The following CCN4 variants were observed in gnomAD, a reference collection of about 807,000 sequenced individuals.
CCN4 encodes CCN family member 4.
A neutral mutation model predicts 36.7 loss-of-function variants in CCN4; 30 were observed. That is an observed-to-expected ratio of 0.82 (90% CI 0.61 to 1.11). The LOEUF (loss-of-function observed/expected upper bound fraction) is 1.11, where lower values mean the gene tolerates loss of function less well. CCN4 is among the 50% of genes least tolerant of loss of function. The probability of loss-of-function intolerance (pLI) is 0.00; values close to 1 mark genes in which losing one functional copy is unlikely to be tolerated. For synonymous variants in CCN4, 191 were observed against 195.4 expected, an observed-to-expected ratio of 0.98 and a Z score of 0.19; for missense variants, 505 against 504.9, an observed-to-expected ratio of 1.00 and a Z score of 0.00.
At position 133,195,802 on chromosome 8, in the gene CCN4, C is replaced by A. The variant is rs58410538; in HGVS notation, c.69+4589C>A. On this transcript the variant is annotated intron_variant, in intron 1 of 4. Transcript: ENST00000250160. ...CCCCAGGTTTTAGAAAAGGCTCCGG[C>A]CCTGTGCCAGCAAAGCACCCACATG... Among the ~76,000 whole-genome samples the A allele has an allele frequency of 6.1e-3, 929 of 152,346 alleles. 12 individuals are homozygous for A. The highest frequency in any genetic ancestry group is 0.021 in the African/African-American group (890 of 41,580).
chr8:133,194,430 G>T (rs1263338922), intron 1 of CCN4, among the ~76,000 whole-genome samples: 1 of 83,342 alleles, frequency 1.2e-5, no homozygotes, highest in African/African-American at 6.8e-5. Context: ...TGTGTGTGTG[G>T]TATGTGTGTG....
chr8:133,193,896 G>A (rs549060047), intron 1 of CCN4, among the ~76,000 whole-genome samples: 1 of 152,168 alleles, frequency 6.6e-6, no homozygotes, highest in South Asian at 2.1e-4. Flanking sequence ...GGTGACAGGG[G>A]TAACGTCAGC....
At chr8:133,213,681 G>A (rs998815036) in intron 2 of CCN4, among the ~76,000 whole-genome samples, 1 of 147,092 alleles carries the variant, frequency 6.8e-6, no homozygotes, top group African/African-American at 2.5e-5. Flanking sequence ...ATATAATATA[G>A]TATATTATAG....
chr8:133,211,849 T>C (rs960587427), intron 1 of CCN4, among the ~76,000 whole-genome samples: 3 of 152,212 alleles, frequency 2.0e-5, no homozygotes, highest in Non-Finnish European at 4.4e-5. Flanking sequence ...TCTCTTCCTC[T>C]TGCAGGCCCA....
intron 1 of CCN4, among the ~76,000 whole-genome samples, chr8:133,208,127 A>G (rs1255679422): frequency 6.6e-6 from 1 of 151,880 alleles, no homozygotes. Context: ...CACTTTACTG[A>G]TCTGTTAAAT....
intron 1 of CCN4, among the ~76,000 whole-genome samples, chr8:133,198,699 T>C (rs1474732068): frequency 6.6e-6 from 1 of 152,194 alleles, no homozygotes; most frequent in Non-Finnish European, 1.5e-5. Flanking sequence ...TGGGCACCCA[T>C]GGGTTCTTGT....
Position 133,219,069 on chromosome 8 carries a change from C to T in CCN4, c.350-1512C>T, listed in dbSNP as rs149342224. The stretch of plus-strand genomic sequence containing the variant: ...CCCACCTGGGTCTCAGGGTGGTCCC[C>T]CATGCTACCTTTGCCCTCTGACTCA... On this transcript the variant is annotated intron_variant, in intron 2 of 4. Transcript: ENST00000250160. 8.5e-3 allele frequency among the ~76,000 whole-genome samples: 1,301 copies of T among 152,246 alleles called. 17 individuals are homozygous for T. Among genetic ancestry groups the T allele is most frequent in the African/African-American group, 0.03 (1,232 of 41,552 alleles).
chr8:133,220,099 T>G (rs773573762), intron 2 of CCN4, among the ~76,000 whole-genome samples: 4 of 152,160 alleles, frequency 2.6e-5, no homozygotes, highest in African/African-American at 4.8e-5. Flanking sequence ...AGGGCATGTC[T>G]TTTGTCTGTT....
intron 1 of CCN4, among the ~76,000 whole-genome samples, chr8:133,191,709 AG>A (rs1255084658): frequency 6.6e-6 from 1 of 152,220 alleles, no homozygotes; most frequent in Non-Finnish European, 1.5e-5. Context: ...AAAATTGGAA[AG>A]AAAAATGCCA....
At chr8:133,197,071 AAAT>A in intron 1 of CCN4, among the ~76,000 whole-genome samples, 1 of 152,180 alleles carries the variant, frequency 6.6e-6, no homozygotes, top group South Asian at 2.1e-4. Flanking sequence ...TAGGAGAAAG[AAAT>A]GATGATGATG....
At chr8:133,206,884 G>T (rs960816215) in intron 1 of CCN4, among the ~76,000 whole-genome samples, 31 of 152,280 alleles carry the variant, frequency 2.0e-4, no homozygotes, top group African/African-American at 7.2e-4. Flanking sequence ...TTAGAAGCTG[G>T]TATCATTCAC....
chr8:133,224,709 T>G (rs917865983), intron 3 of CCN4, among the ~76,000 whole-genome samples: 2 of 151,802 alleles, frequency 1.3e-5, no homozygotes, highest in African/African-American at 2.4e-5. Context: ...CTGAGGCGGG[T>G]GGATCACCTG....
At chr8:133,203,037 G>C (rs1853644462) in intron 1 of CCN4, among the ~76,000 whole-genome samples, 1 of 152,248 alleles carries the variant, frequency 6.6e-6, no homozygotes, top group Non-Finnish European at 1.5e-5. Context: ...CCCGGGCCCA[G>C]CTAGGGCCGG....
intron 1 of CCN4, among the ~76,000 whole-genome samples, chr8:133,192,786 G>A (rs568747864): frequency 1.3e-5 from 2 of 152,360 alleles, no homozygotes; most frequent in African/African-American, 2.4e-5. Context: ...GTTTAAGCAT[G>A]AGTCCAAGTA....
chr8:133,205,181 C>T (rs1853724941), intron 1 of CCN4, among the ~76,000 whole-genome samples: 1 of 152,180 alleles, frequency 6.6e-6, no homozygotes, highest in African/African-American at 2.4e-5. Context: ...CCTGGGCAAG[C>T]CCTGGGCATC....
chr8:133,217,710 C>CA, intron 2 of CCN4, among the ~76,000 whole-genome samples: 1 of 152,202 alleles, frequency 6.6e-6, no homozygotes, highest in African/African-American at 2.4e-5. Flanking sequence ...TTTTAAAATA[C>CA]GGAGATCAAC....
chr8:133,218,104 G>A (rs1421590580), intron 2 of CCN4, among the ~76,000 whole-genome samples: 1 of 152,116 alleles, frequency 6.6e-6, no homozygotes, highest in Non-Finnish European at 1.5e-5. Context: ...ATGGGCTGTG[G>A]AGTCAGGTCT....
intron 1 of CCN4, among the ~76,000 whole-genome samples, 187 bp downstream of exon 1, chr8:133,191,400 G>T (rs574427175): frequency 6.6e-6 from 1 of 152,306 alleles, no homozygotes; most frequent in Non-Finnish European, 1.5e-5. Context: ...AAGCTGGCAG[G>T]GTGAGGAGGA....
intron 1 of CCN4, among the ~76,000 whole-genome samples, chr8:133,200,022 C>T (rs557167059): frequency 6.6e-6 from 1 of 152,286 alleles, no homozygotes; most frequent in Admixed American, 6.5e-5. Flanking sequence ...AAGCAGGCTG[C>T]CTAGACCAGC....
Sources: allele counts gnomAD v4.1 joint callset (sites outside exome capture counted in the v4.1 genomes callset), GRCh38; gene constraint gnomAD v4.1.1; transcripts MANE v1.5; gene names NCBI Gene and HGNC (gene_info 2026-07-23, HGNC 2026-07-21).